Variants in NDUFS1 observed in about 807,000 individuals in gnomAD.
NDUFS1 encodes the protein NADH:ubiquinone oxidoreductase core subunit S1.
NDUFS1 carries 61 observed loss-of-function variants against 84.4 expected under a neutral mutation model. The ratio of observed to expected loss-of-function variants is 0.72; its 90% CI spans 0.59 to 0.89. The LOEUF is 0.89. Among genes scored for constraint, NDUFS1 ranks in the 40% least tolerant of loss-of-function variants. NDUFS1 has a pLI of 0.00. For synonymous variants in NDUFS1, 275 were observed against 290.0 expected, an observed-to-expected ratio of 0.95 and a Z score of 0.53; for missense variants, 891 against 890.0, an observed-to-expected ratio of 1.00 and a Z score of -0.01.
At chr2:206,153,597 C>A (rs982387483) in intron 2 of NDUFS1, 21 bp downstream of exon 2, 4 of 1,454,452 alleles carry the variant, frequency 2.8e-6, no homozygotes, top group Non-Finnish European at 3.9e-6. Flanking sequence ...TCCACGAATG[C>A]AAATTTAAGA....
intron 11 of NDUFS1, 59 bp from the exon 12 acceptor site, chr2:206,142,128 C>T: frequency 7.0e-7 from 1 of 1,433,282 alleles, no homozygotes. Context: ...ACAGAGAATC[C>T]ATGAAATATT....
rs1262906409 is a variant in NDUFS1, at chr2:206,115,362, G to C, written c.*8823C>G. ...GGTTGGGAGGCGGAGCCTTCTGGGA[G>C]ATGATTAGGTCACAAGGACTCTGGC... On this transcript the variant is annotated 3_prime_UTR_variant, in exon 19 of 19. Coordinates refer to ENST00000233190, the MANE Select transcript of NDUFS1 (RefSeq NM_005006.7). The C allele has an allele frequency of 1.3e-5, 2 of 154,378 alleles. No individual in the cohort carries two copies. Among genetic ancestry groups the C allele is most frequent in the Non-Finnish European group, 2.9e-5 (2 of 69,746 alleles). 9.6% of individuals were successfully genotyped at this position (154,378 alleles called of 1,614,324 possible). A position where few individuals can be genotyped will look rare whatever the true frequency, so the allele number is the denominator to read the frequency against.
In NDUFS1 at chr2:206,115,990, GT is replaced by G. The variant is rs1010868887; in HGVS notation, c.*8194del. The G allele has an allele frequency of 2.9e-5, 21 of 717,462 alleles. No homozygotes were observed. The highest frequency in any genetic ancestry group is 7.8e-5 in the East Asian group (3 of 38,532). 44.4% of individuals were successfully genotyped at this position (717,462 alleles called of 1,614,324 possible). On this transcript the variant is annotated 3_prime_UTR_variant, in exon 19 of 19. Coordinates refer to ENST00000233190, the MANE Select transcript of NDUFS1 (RefSeq NM_005006.7). ...TCTTTCATTAGCAGTGTTAACAGTA[GT>G]TTTTTTTTCCCATGGGTAATGCTAA...
At chr2:206,129,831 A>G in intron 15 of NDUFS1, among the ~76,000 whole-genome samples, 1 of 152,050 alleles carries the variant, frequency 6.6e-6, no homozygotes. Flanking sequence ...ACCTCAGGTG[A>G]TCCACCCGCA....
rs766965480 is a variant in NDUFS1 at position 206,153,625 on chromosome 2, T to C, written c.54A>G (p.Lys18=). 6.5e-7 allele frequency: 1 copy of C among 1,540,372 alleles called. No individual in the cohort carries two copies. The highest frequency in any genetic ancestry group is 9.0e-7 in the Non-Finnish European group (1 of 1,113,858). The change falls in exon 2 of 19, where the codon AAA becomes AAG. Residue 18 remains lysine (K), a synonymous_variant. Coordinates refer to ENST00000233190, the MANE Select transcript of NDUFS1 (RefSeq NM_005006.7). ...ATTTAAGAAAATACTCACCACATCC[T>C]TTAGGAGACTTAGAAAGGCCTACTA... ...KALVGLSKSP[K]GCVRTTATAA...
At chr2:206,129,800 C>G (rs1480234046) in intron 15 of NDUFS1, among the ~76,000 whole-genome samples, 1 of 152,066 alleles carries the variant, frequency 6.6e-6, no homozygotes, top group Non-Finnish European at 1.5e-5. Context: ...CCATGTTGGT[C>G]AGGCTGGTCT....
intron 3 of NDUFS1, 98 bp from the exon 4 acceptor site, chr2:206,150,023 T>TATCTATCTATCTA: frequency 1.4e-6 from 1 of 691,184 alleles, no homozygotes; most frequent in Non-Finnish European, 2.5e-6. Flanking sequence ...ATCTTATTAC[T>TATCTATCTATCTA]TCTATCTATC....
In NDUFS1 at chr2:206,146,986, C is replaced by G. The variant is rs139313305; in HGVS notation, c.654G>C (p.Leu218=). 6.2e-7 allele frequency: 1 copy of G among 1,614,130 alleles called. No individual in the cohort carries two copies. Among genetic ancestry groups the G allele is most frequent in the African/African-American group, 1.3e-5 (1 of 75,046 alleles). ...TYIEKMFMSE[L]SGNIIDICPV... ...GGCAGATATCAATGATATTCCCAGA[C>G]AGTTCAGACATGAACATCTTTTCAA... Residue 218 remains leucine (L), a synonymous_variant, in exon 8 of 19, where the codon CTG becomes CTC. Transcript: ENST00000233190.
chr2:206,123,918 G>C lies in NDUFS1; in HGVS notation c.*267C>G. 3.0e-6 allele frequency: 1 copy of C among 329,860 alleles called. No individual in the cohort carries two copies. The highest frequency in any genetic ancestry group is 5.5e-6 in the Non-Finnish European group (1 of 183,456). 20.4% of individuals were successfully genotyped at this position (329,860 alleles called of 1,614,324 possible). ...ATAAGCCAACAACTCATAATTTAAGGATCTCTTTATGTTCGTCACAAAGGT... is the reference window on the plus strand; with the variant it reads ...ATAAGCCAACAACTCATAATTTAAGCATCTCTTTATGTTCGTCACAAAGGT... On this transcript the variant is annotated 3_prime_UTR_variant, in exon 19 of 19. Transcript: ENST00000233190.
At chr2:206,129,414 CA>C (rs1423776415) in intron 15 of NDUFS1, among the ~76,000 whole-genome samples, 2 of 151,978 alleles carry the variant, frequency 1.3e-5, no homozygotes, top group African/African-American at 4.8e-5. Flanking sequence ...AGACATGCAG[CA>C]ACACGCCTAG....
chr2:206,149,343 C>T (rs1437419515), intron 4 of NDUFS1, among the ~76,000 whole-genome samples: 1 of 152,114 alleles, frequency 6.6e-6, no homozygotes, highest in Non-Finnish European at 1.5e-5. Context: ...ATAGTCAATG[C>T]AATTTTTTAT....
intron 16 of NDUFS1, among the ~76,000 whole-genome samples, 196 bp from the exon 17 acceptor site, chr2:206,127,040 T>C (rs370485289): frequency 6.6e-6 from 1 of 152,244 alleles, no homozygotes; most frequent in East Asian, 1.9e-4. Context: ...CATTCACAGC[T>C]GTCAGTACAT....
chr2:206,159,121 C>T (rs1165607109), intron 1 of NDUFS1: 1 of 1,535,704 alleles, frequency 6.5e-7, no homozygotes, highest in Non-Finnish European at 8.7e-7. Flanking sequence ...CCCGAGGACC[C>T]CCTGATCCTC....
chr2:206,152,387 A>G (rs1356968128), intron 3 of NDUFS1, 32 bp downstream of exon 3: 3 of 1,549,016 alleles, frequency 1.9e-6, no homozygotes, highest in African/African-American at 1.4e-5. Flanking sequence ...AAATCAGAAC[A>G]CACACACAAA....
In NDUFS1 at chr2:206,130,088, C is replaced by A. The variant is rs1691446121; in HGVS notation, c.1708G>T (p.Gly570Ter). The A allele has an allele frequency of 6.2e-7, 1 of 1,613,966 alleles. No individual in the cohort carries two copies. The highest frequency in any genetic ancestry group is 2.2e-5 in the East Asian group (1 of 44,890). The change falls in exon 15 of 19, where the codon GGA becomes TGA. Residue 570 changes from glycine (G) to a stop codon, truncating the protein, a stop_gained and splice_region_variant. Transcript: ENST00000233190. LOFTEE classifies it high-confidence loss of function. ...LPKDCFIIYQ[G>*]HHGDVGAPIA... ...TTCTGGTGTCACAGGTGATACTTAC[C>A]TTGATAAATAATGAAACAATCCTTT...
At chr2:206,143,125 G>A (rs900969928) in intron 10 of NDUFS1, among the ~76,000 whole-genome samples, 2 of 152,110 alleles carry the variant, frequency 1.3e-5, no homozygotes, top group African/African-American at 4.8e-5. Context: ...GGTGGCATAC[G>A]CCTGTATCCC....
intron 1 of NDUFS1, among the ~76,000 whole-genome samples, chr2:206,156,819 T>C (rs146350829): frequency 2.3e-4 from 35 of 152,308 alleles, no homozygotes; most frequent in African/African-American, 7.5e-4. Flanking sequence ...GTGAGTAATG[T>C]TGGGTAAATG....
chr2:206,139,962 CA>C (rs1304240115), intron 12 of NDUFS1, among the ~76,000 whole-genome samples: 2 of 130,116 alleles, frequency 1.5e-5, no homozygotes, highest in Non-Finnish European at 1.7e-5. Flanking sequence ...CCTGAGGAAA[CA>C]AAAAAATTGC....
chr2:206,128,671 T>A (rs2105946482), intron 15 of NDUFS1, among the ~76,000 whole-genome samples: 1 of 151,698 alleles, frequency 6.6e-6, no homozygotes, highest in East Asian at 2.0e-4. Flanking sequence ...TCCCAGCTAC[T>A]CAAGAGGGCT....
Sources: gnomAD v4.1 joint callset for allele counts (sites outside exome capture counted in the v4.1 genomes callset) on GRCh38, gnomAD v4.1.1 for gene constraint, MANE v1.5 for transcripts, NCBI Gene and HGNC (gene_info 2026-07-23, HGNC 2026-07-21) for gene names.